Variants in CHID1 observed in about 807,000 individuals in gnomAD.
CHID1 encodes chitinase domain containing 1.
CHID1 carries 44 observed loss-of-function variants against 55.4 expected under a neutral mutation model. The ratio of observed to expected loss-of-function variants is 0.79; its 90% confidence interval spans 0.62 to 1.02. CHID1 has a LOEUF of 1.02. CHID1 is among the 50% of genes least tolerant of loss of function. The pLI is 0.00. For synonymous variants in CHID1, 216 were observed against 212.9 expected, an observed-to-expected ratio of 1.01 and a Z score of -0.13; for missense variants, 491 against 515.3, an observed-to-expected ratio of 0.95 and a Z score of 0.46.
intron 7 of CHID1, among the ~76,000 whole-genome samples, chr11:897,674 G>A (rs1477691554): frequency 6.6e-6 from 1 of 152,234 alleles, no homozygotes; most frequent in Non-Finnish European, 1.5e-5. Flanking sequence ...GCGCCTCCCA[G>A]CCTCCCTTCA....
Position 877,031 on chromosome 11 carries a change from G to A in CHID1, c.959+6117C>T, listed in dbSNP as rs888328993. Among the ~76,000 whole-genome samples, 15 of 152,326 alleles carry A rather than the reference G, an allele frequency of 9.8e-5. 1 individual carries two copies. Among genetic ancestry groups the A allele is most frequent in the Admixed American group, 8.5e-4 (13 of 15,306 alleles). On this transcript the variant is annotated intron_variant, in intron 10 of 12. Transcript: ENST00000323578. ...GGTCATTAACAAGGGCACTTCGGGT[G>A]GGCGAGGAGGGCAGATGAGGGGACT...
intron 10 of CHID1, among the ~76,000 whole-genome samples, chr11:876,237 C>T (rs546084444): frequency 1.3e-4 from 20 of 152,300 alleles, no homozygotes; most frequent in African/African-American, 4.6e-4. Flanking sequence ...CCACAGGACA[C>T]CCCACAACGG....
intron 1 of CHID1, 30 bp from the exon 2 acceptor site, chr11:904,889 A>G: frequency 6.2e-7 from 1 of 1,607,328 alleles, no homozygotes; most frequent in Non-Finnish European, 8.5e-7. Context: ...CATTCAAACA[A>G]CCGGCAGAGA....
chr11:896,060 C>T (rs1367696470), intron 7 of CHID1, among the ~76,000 whole-genome samples: 1 of 151,934 alleles, frequency 6.6e-6, no homozygotes, highest in Non-Finnish European at 1.5e-5. Context: ...AGCCCTGACA[C>T]AACGAGGCCG....
At chr11:902,747 A>T (rs1012566777) in intron 3 of CHID1, among the ~76,000 whole-genome samples, 3 of 152,170 alleles carry the variant, frequency 2.0e-5, no homozygotes, top group Non-Finnish European at 4.4e-5. Flanking sequence ...ACCCACAGAG[A>T]TCAGCACAGC....
At chr11:877,413 GT>G (rs1333259817) in intron 10 of CHID1, among the ~76,000 whole-genome samples, 1 of 152,136 alleles carries the variant, frequency 6.6e-6, no homozygotes, top group Non-Finnish European at 1.5e-5. Context: ...CGGCTAATTT[GT>G]TTTTAAACTA....
chr11:886,500 T>G (rs894638307), intron 8 of CHID1, among the ~76,000 whole-genome samples: 2 of 152,154 alleles, frequency 1.3e-5, no homozygotes, highest in Non-Finnish European at 2.9e-5. Context: ...TCCCCACAAA[T>G]GGTTATGTTG....
intron 10 of CHID1, among the ~76,000 whole-genome samples, chr11:874,557 C>T (rs372232927): frequency 2.0e-5 from 3 of 152,180 alleles, no homozygotes; most frequent in Admixed American, 1.3e-4. Flanking sequence ...AAGGCTCAAG[C>T]GATCCTCCCG....
At chr11:903,409 G>A (rs1452076075) in intron 2 of CHID1, among the ~76,000 whole-genome samples, 1 of 152,248 alleles carries the variant, frequency 6.6e-6, no homozygotes, top group Non-Finnish European at 1.5e-5. Context: ...TTGCATGTGA[G>A]GGTGGACGGT....
chr11:871,825 C>CGGG (rs144177773), intron 10 of CHID1, among the ~76,000 whole-genome samples: 2 of 2,550 alleles, frequency 7.8e-4, no homozygotes, highest in South Asian at 0.5. Context: ...GGCCACAGGA[C>CGGG]CGCACCTCGA....
chr11:870,462 C>T lies in CHID1; in HGVS notation c.997G>A (p.Val333Met). 1 of 1,612,260 alleles carries T rather than the reference C, an allele frequency of 6.2e-7. No homozygotes were observed. The highest frequency in any genetic ancestry group is 8.5e-7 in the Non-Finnish European group (1 of 1,179,452). ...QTLKDHRPRM[V>M]WDSQASEHFF... ...TGCTCTGAGGCCTGGCTGTCCCACACCATCCGGGGCCTGTGGTCCTTCAGT... is the reference window on the plus strand; with the variant it reads ...TGCTCTGAGGCCTGGCTGTCCCACATCATCCGGGGCCTGTGGTCCTTCAGT... Residue 333 changes from valine (V) to methionine (M), a missense_variant, in exon 11 of 13, where the codon GTG (valine) becomes ATG (methionine). Transcript: ENST00000323578.
intron 1 of CHID1, among the ~76,000 whole-genome samples, chr11:910,476 G>A (rs908750382): frequency 5.9e-5 from 9 of 151,990 alleles, no homozygotes; most frequent in African/African-American, 2.2e-4. Flanking sequence ...TCGCCCCAGC[G>A]CACGCGCTCC....
At chr11:897,838 G>A (rs1433768619) in intron 7 of CHID1, among the ~76,000 whole-genome samples, 2 of 152,158 alleles carry the variant, frequency 1.3e-5, no homozygotes, top group African/African-American at 4.8e-5. Context: ...CACATTGAGG[G>A]GTGCTGGCGG....
At position 869,444 on chromosome 11, in the gene CHID1, G is replaced by C. The variant is rs373917666; in HGVS notation, c.*414C>G. The C allele has an allele frequency of 2.3e-4, 54 of 237,928 alleles. No individual in the cohort carries two copies. In the East Asian group the frequency reaches 4.8e-3, roughly 21 times the overall value. The allele number at this position is 237,928 out of a possible 1,614,324, so 14.7% of individuals were successfully genotyped here. ...ACTGCCAGGCCCTGGGGTGATGCTG[G>C]GCAGAGCTGTCCCTGCGAGGGCCCT... On this transcript the variant is annotated 3_prime_UTR_variant, in exon 13 of 13. Coordinates refer to ENST00000323578, the MANE Select transcript of CHID1 (RefSeq NM_023947.4).
chr11:875,715 A>C lies in CHID1; in HGVS notation c.960-5216T>G, dbSNP rs1191527955. ...TATGCTTGAAGATTCTCACAGTAAA[A>C]GATTCACAAGACAGAGGAGGAAAAC... On this transcript the variant is annotated intron_variant, in intron 10 of 12. Coordinates refer to ENST00000323578, the MANE Select transcript of CHID1 (RefSeq NM_023947.4). This position sits in a 1 kb window ranked among gnomAD's most constrained non-coding sequence, Gnocchi z 4.7. Among the ~76,000 whole-genome samples the C allele has an allele frequency of 6.6e-6, 1 of 152,134 alleles. No individual in the cohort carries two copies. The highest frequency in any genetic ancestry group is 1.5e-5 in the Non-Finnish European group (1 of 68,024).
chr11:892,688 G>A (rs1020138297), intron 8 of CHID1, among the ~76,000 whole-genome samples: 4 of 152,222 alleles, frequency 2.6e-5, no homozygotes, highest in African/African-American at 7.2e-5. Context: ...ACATGCTGCT[G>A]TGTCTGTCCC....
intron 10 of CHID1, among the ~76,000 whole-genome samples, chr11:882,774 C>A (rs894918468): frequency 6.6e-6 from 1 of 152,176 alleles, no homozygotes; most frequent in Non-Finnish European, 1.5e-5. Context: ...GCAGAGCATA[C>A]CAAGAACACA....
intron 10 of CHID1, among the ~76,000 whole-genome samples, chr11:877,114 C>G (rs944365330): frequency 1.3e-5 from 2 of 152,174 alleles, no homozygotes; most frequent in African/African-American, 4.8e-5. Context: ...TGGGTGCACA[C>G]AGACCCCAAC....
intron 10 of CHID1, among the ~76,000 whole-genome samples, chr11:878,455 A>G (rs1849664880): frequency 6.6e-6 from 1 of 151,776 alleles, no homozygotes; most frequent in Admixed American, 6.6e-5. Context: ...AATTCGAGCT[A>G]CTCGGGAGGC....
Sources: allele counts gnomAD v4.1 joint callset (sites outside exome capture counted in the v4.1 genomes callset), GRCh38; gene constraint gnomAD v4.1.1; non-coding constraint Gnocchi (gnomAD v3.1); transcripts MANE v1.5; gene names NCBI Gene and HGNC (gene_info 2026-07-23, HGNC 2026-07-21).